DPP4: variants seen among roughly 807,000 people sequenced by gnomAD.
DPP4 encodes dipeptidyl peptidase 4, also known as ADCP-2.
In DPP4, 93 loss-of-function variants were observed where a neutral mutation model predicts 122.4. The ratio of observed to expected loss-of-function variants is 0.76; its 90% CI spans 0.64 to 0.90. The LOEUF is 0.90. Among genes scored for constraint, DPP4 ranks in the 40% least tolerant of loss-of-function variants. The probability of loss-of-function intolerance (pLI) is 0.00; values close to 1 mark genes in which losing one functional copy is unlikely to be tolerated. For synonymous variants in DPP4, 321 were observed against 302.9 expected (o/e 1.06, Z -0.62); for missense variants, 914 against 907.3 (o/e 1.01, Z -0.09).
chr2:162,042,067 T>C (rs1684006954), intron 5 of DPP4, among the ~76,000 whole-genome samples: 1 of 152,088 alleles, frequency 6.6e-6, no homozygotes, highest in Admixed American at 6.6e-5. Flanking sequence ...TAAAAGAGCA[T>C]CATAGCAAAG....
intron 1 of DPP4, 99 bp from the exon 2 acceptor site, chr2:162,073,585 T>C (rs1685200851): frequency 8.3e-7 from 1 of 1,198,716 alleles, no homozygotes; most frequent in Non-Finnish European, 1.2e-6. Flanking sequence ...GATTTGCAGG[T>C]GGGAGTGCGT....
chr2:162,043,830 C>G (rs895291348), intron 5 of DPP4, among the ~76,000 whole-genome samples: 1 of 152,046 alleles, frequency 6.6e-6, no homozygotes, highest in Non-Finnish European at 1.5e-5. Context: ...GAGTTTGAGA[C>G]CAGCCTGGGG....
chr2:162,007,139 C>T (rs1701301687), intron 22 of DPP4, among the ~76,000 whole-genome samples: 1 of 151,856 alleles, frequency 6.6e-6, no homozygotes, highest in Admixed American at 6.6e-5. Context: ...TTAAAGGACA[C>T]TAATATAAAA....
At position 162,046,965 on chromosome 2, in the gene DPP4, A is replaced by G; in HGVS notation, c.235T>C (p.Phe79Leu). 1 of 1,598,426 alleles carries G rather than the reference A, an allele frequency of 6.3e-7. No individual in the cohort carries two copies. The highest frequency in any genetic ancestry group is 8.6e-7 in the Non-Finnish European group (1 of 1,166,112). The change falls in exon 4 of 26, where the codon TTC becomes CTC. Residue 79 changes from phenylalanine (F) to leucine (L), a missense_variant. Coordinates refer to ENST00000360534, the MANE Select transcript of DPP4 (RefSeq NM_001935.4). Reference protein sequence around the residue: ...LYKQENNILVFNAEYGNSSVF... With the variant: ...LYKQENNILVLNAEYGNSSVF... ...GAGCTGTTTCCATATTCAGCATTGAATACCAAGATATTATTTTCTTGTTTG... is the reference window on the plus strand; with the variant it reads ...GAGCTGTTTCCATATTCAGCATTGAGTACCAAGATATTATTTTCTTGTTTG...
chr2:162,046,957 A>C lies in DPP4; in HGVS notation c.243T>G (p.Ala81=). 1 of 1,597,804 alleles carries C rather than the reference A, an allele frequency of 6.3e-7. No homozygotes were observed. Among genetic ancestry groups the C allele is most frequent in the African/African-American group, 1.3e-5 (1 of 74,652 alleles). Reference sequence around the variant, plus strand: ...AGAAAACTGAGCTGTTTCCATATTCAGCATTGAATACCAAGATATTATTTT... The same window carrying C: ...AGAAAACTGAGCTGTTTCCATATTCCGCATTGAATACCAAGATATTATTTT... The part of the protein sequence containing the change: ...KQENNILVFN[A]EYGNSSVFLE... Residue 81 remains alanine, a synonymous_variant, in exon 4 of 26, where the codon GCT becomes GCG. Transcript: ENST00000360534.
chr2:162,034,601 C>T (rs750831408), intron 9 of DPP4, among the ~76,000 whole-genome samples: 3 of 152,174 alleles, frequency 2.0e-5, no homozygotes, highest in East Asian at 1.9e-4. Flanking sequence ...ACCCGGCTTA[C>T]GCTGCTTAAC....
At chr2:162,064,247 T>C (rs1684879842) in intron 2 of DPP4, among the ~76,000 whole-genome samples, 1 of 152,160 alleles carries the variant, frequency 6.6e-6, no homozygotes, top group South Asian at 2.1e-4. Context: ...TAGGGCCAGA[T>C]TGCCAGGAAG....
chr2:162,032,777 C>T (rs1370630636), intron 10 of DPP4, among the ~76,000 whole-genome samples: 3 of 151,766 alleles, frequency 2.0e-5, no homozygotes, highest in South Asian at 2.1e-4. Flanking sequence ...ATCAGAGAGC[C>T]GTAAATTGTA....
intron 5 of DPP4, among the ~76,000 whole-genome samples, chr2:162,041,632 A>C (rs1683990244): frequency 6.6e-6 from 1 of 152,154 alleles, no homozygotes; most frequent in South Asian, 2.1e-4. Flanking sequence ...TTTCTGGGCA[A>C]CCTCAAGCAA....
At chr2:162,000,326 G>A (rs1303425649) in intron 23 of DPP4, among the ~76,000 whole-genome samples, 1 of 152,110 alleles carries the variant, frequency 6.6e-6, no homozygotes, top group African/African-American at 2.4e-5. Flanking sequence ...TAAAACAGAT[G>A]TTTTACTTAT....
chr2:162,047,572 A>G, intron 2 of DPP4, 71 bp from the exon 3 acceptor site: 1 of 1,053,760 alleles, frequency 9.5e-7, no homozygotes, highest in Non-Finnish European at 1.4e-6. Context: ...TAAAATAAAC[A>G]AATGGATCTC....
chr2:162,039,025 G>GA lies in DPP4; in HGVS notation c.420-5dup. 6.2e-7 allele frequency: 1 copy of GA among 1,613,152 alleles called. No individual in the cohort carries two copies. Among genetic ancestry groups the GA allele is most frequent in the African/African-American group, 1.3e-5 (1 of 74,962 alleles). ...CCTCTCTTCTGTAATCAGCTGCCTG[G>GA]AAAAAAGATGAAAGGAAATATTATC... On this transcript the variant is annotated splice_polypyrimidine_tract_variant and splice_region_variant and intron_variant, in intron 6 of 25. Coordinates refer to ENST00000360534, the MANE Select transcript of DPP4 (RefSeq NM_001935.4).
intron 19 of DPP4, among the ~76,000 whole-genome samples, chr2:162,013,767 C>T (rs544128212): frequency 1.2e-4 from 18 of 152,136 alleles, no homozygotes; most frequent in East Asian, 3.9e-4. Context: ...TCATGGGTGA[C>T]GCTAGGGCAA....
chr2:161,995,297 C>T lies in DPP4; in HGVS notation c.2125+3G>A, dbSNP rs1279424440. The T allele has an allele frequency of 1.2e-6, 2 of 1,613,418 alleles. No homozygotes were observed. Among genetic ancestry groups the T allele is most frequent in the Non-Finnish European group, 1.7e-6 (2 of 1,179,550 alleles). On this transcript the variant is annotated splice_donor_region_variant and intron_variant, in intron 24 of 25. Coordinates refer to ENST00000360534, the MANE Select transcript of DPP4 (RefSeq NM_001935.4). ...CTAAAAAGTCTAATTAACTGAAACT[C>T]ACCATCTGCTGTTCCATGAATAAGG...
At chr2:162,051,499 C>T (rs1274183582) in intron 2 of DPP4, among the ~76,000 whole-genome samples, 3 of 152,160 alleles carry the variant, frequency 2.0e-5, no homozygotes, top group African/African-American at 7.2e-5. Flanking sequence ...AAGAAATGTG[C>T]TCGTTACGGC....
At position 161,999,195 on chromosome 2, in the gene DPP4, C is replaced by T. The variant is rs532926327; in HGVS notation, c.2053-3823G>A. Among the ~76,000 whole-genome samples the T allele has an allele frequency of 1.1e-3, 169 of 152,276 alleles. 4 individuals are homozygous for T. The South Asian group carries it at 0.033, about 30-fold the overall frequency. ...CTGTGCACCCTGGCTTCTCAATTAA[C>T]ACCCTTTACAGTCCAGTGTATGGCA... is the stretch of plus-strand genomic sequence containing the variant. On this transcript the variant is annotated intron_variant, in intron 23 of 25. Transcript: ENST00000360534.
chr2:161,995,471 C>G, intron 23 of DPP4, 99 bp from the exon 24 acceptor site: 1 of 1,053,080 alleles, frequency 9.5e-7, no homozygotes. Context: ...AGCTGGGGCC[C>G]CCTTTGATAC....
chr2:162,035,123 C>T, intron 9 of DPP4, 41 bp downstream of exon 9: 3 of 1,563,316 alleles, frequency 1.9e-6, no homozygotes, highest in Non-Finnish European at 1.7e-6. Context: ...CATTCTCTTC[C>T]CATCAAATCA....
intron 20 of DPP4, among the ~76,000 whole-genome samples, 164 bp downstream of exon 20, chr2:162,011,629 T>G (rs989654658): frequency 6.6e-6 from 1 of 152,132 alleles, no homozygotes; most frequent in African/African-American, 2.4e-5. Context: ...TGTAATATAT[T>G]GTTATTTAAA....
Sources: allele counts gnomAD v4.1 joint callset (sites outside exome capture counted in the v4.1 genomes callset), GRCh38; gene constraint gnomAD v4.1.1; transcripts MANE v1.5; gene names NCBI Gene and HGNC (gene_info 2026-07-23, HGNC 2026-07-21).